The following KDM4C variants were observed in gnomAD, a reference collection of about 807,000 sequenced individuals.
The protein encoded by KDM4C is lysine demethylase 4C.
Under a neutral mutation model 129.3 loss-of-function variants are expected in KDM4C, and 81 were observed. That is an observed-to-expected ratio of 0.63 (90% confidence interval 0.52 to 0.75). The LOEUF (loss-of-function observed/expected upper bound fraction) is 0.75, where lower values mean the gene tolerates loss of function less well. KDM4C is among the 30% of genes least tolerant of loss of function. The pLI is 0.00. For missense variants in KDM4C, 1,457 were observed against 1,304.0 expected (o/e 1.12, Z -1.81); for synonymous variants, 573 against 456.1 (o/e 1.26, Z -3.26).
At chr9:6,840,655 C>T (rs1436705183) in intron 4 of KDM4C, among the ~76,000 whole-genome samples, 1 of 152,216 alleles carries the variant, frequency 6.6e-6, no homozygotes, top group South Asian at 2.1e-4. Flanking sequence ...CTTCGGCCTC[C>T]CAAAGCATTG....
chr9:7,072,176 C>T (rs1286523830), intron 17 of KDM4C, among the ~76,000 whole-genome samples: 1 of 152,128 alleles, frequency 6.6e-6, no homozygotes, highest in African/African-American at 2.4e-5. Flanking sequence ...TGACGTTTAG[C>T]AACTGGAATG....
chr9:7,000,912 G>T (rs1820607836), intron 12 of KDM4C, among the ~76,000 whole-genome samples: 1 of 152,106 alleles, frequency 6.6e-6, no homozygotes, highest in Non-Finnish European at 1.5e-5. Flanking sequence ...TTTTAATATT[G>T]TGGTGACTTT....
At chr9:6,894,811 G>A (rs1448647350) in intron 8 of KDM4C, among the ~76,000 whole-genome samples, 3 of 152,210 alleles carry the variant, frequency 2.0e-5, no homozygotes, top group Middle Eastern at 3.2e-3. Flanking sequence ...GTGTTGCACT[G>A]TGGTGGAGGA....
intron 8 of KDM4C, among the ~76,000 whole-genome samples, chr9:6,915,876 C>G (rs954866808): frequency 6.6e-6 from 1 of 152,142 alleles, no homozygotes; most frequent in African/African-American, 2.4e-5. Context: ...TATGCTGGGG[C>G]ATGAGAAGCT....
intron 17 of KDM4C, among the ~76,000 whole-genome samples, chr9:7,094,443 C>T (rs1446702377): frequency 1.3e-5 from 2 of 151,994 alleles, no homozygotes; most frequent in Admixed American, 6.6e-5. Context: ...TCTAAGTGAC[C>T]TTAAGGGCCA....
chr9:6,929,190 C>T (rs1395756176), intron 8 of KDM4C, among the ~76,000 whole-genome samples: 1 of 152,170 alleles, frequency 6.6e-6, no homozygotes, highest in Non-Finnish European at 1.5e-5. Context: ...AGGGCTTAGA[C>T]CTTTCTTTCT....
chr9:7,172,492 C>T (rs963519912), intron 21 of KDM4C, among the ~76,000 whole-genome samples: 5 of 152,224 alleles, frequency 3.3e-5, no homozygotes, highest in Non-Finnish European at 5.9e-5. Flanking sequence ...AACTTTAGCA[C>T]TTACACAAGT....
chr9:6,791,616 C>T (rs1210930412), intron 1 of KDM4C, among the ~76,000 whole-genome samples: 1 of 152,220 alleles, frequency 6.6e-6, no homozygotes, highest in East Asian at 1.9e-4. Context: ...CGATTTTTAA[C>T]ATTCTCTACT....
intron 4 of KDM4C, among the ~76,000 whole-genome samples, chr9:6,841,560 C>G (rs542235865): frequency 2.0e-5 from 3 of 152,268 alleles, no homozygotes; most frequent in Admixed American, 6.5e-5. Flanking sequence ...GCCAACTCTG[C>G]TTTTATGTAC....
At chr9:6,801,788 C>G (rs2130977281) in intron 2 of KDM4C, among the ~76,000 whole-genome samples, 1 of 152,106 alleles carries the variant, frequency 6.6e-6, no homozygotes, top group South Asian at 2.1e-4. Context: ...GATAAAGAGA[C>G]TTGAATAAGT....
intron 17 of KDM4C, among the ~76,000 whole-genome samples, chr9:7,093,936 T>G (rs1255879115): frequency 2.0e-5 from 3 of 152,168 alleles, no homozygotes; most frequent in African/African-American, 7.2e-5. Context: ...TTGGTTCTGG[T>G]TGAAGAGAGG....
intron 4 of KDM4C, among the ~76,000 whole-genome samples, chr9:6,833,355 G>T (rs1415522248): frequency 6.6e-6 from 1 of 152,060 alleles, no homozygotes; most frequent in African/African-American, 2.4e-5. Flanking sequence ...AATAGAAAAT[G>T]TAGTTACCAA....
At chr9:7,122,253 A>G (rs1587745749) in intron 18 of KDM4C, among the ~76,000 whole-genome samples, 1 of 125,426 alleles carries the variant, frequency 8.0e-6, no homozygotes, top group African/African-American at 3.1e-5. Context: ...ACACACACAC[A>G]CACACACACA....
chr9:6,762,270 C>T (rs1210602232), intron 1 of KDM4C, among the ~76,000 whole-genome samples: 2 of 151,906 alleles, frequency 1.3e-5, no homozygotes, highest in Non-Finnish European at 1.5e-5. Context: ...CACAACAGGC[C>T]CTGGTGTGTG....
At chr9:6,847,876 A>C (rs1838139365) in intron 4 of KDM4C, among the ~76,000 whole-genome samples, 1 of 152,140 alleles carries the variant, frequency 6.6e-6, no homozygotes, top group Non-Finnish European at 1.5e-5. Context: ...TTTAACCCCA[A>C]AGCTTTAGAC....
chr9:6,788,301 G>T (rs966107977), intron 1 of KDM4C, among the ~76,000 whole-genome samples: 1 of 152,132 alleles, frequency 6.6e-6, no homozygotes, highest in Non-Finnish European at 1.5e-5. Flanking sequence ...ATAACTATTT[G>T]TTGAATGACT....
At chr9:6,780,933 G>C (rs1824206406) in intron 1 of KDM4C, among the ~76,000 whole-genome samples, 1 of 151,904 alleles carries the variant, frequency 6.6e-6, no homozygotes. Flanking sequence ...TTGGCTTTTT[G>C]GTCCCTTCAT....
intron 5 of KDM4C, among the ~76,000 whole-genome samples, chr9:6,852,801 CCTTA>C (rs1392498013): frequency 6.6e-6 from 1 of 152,182 alleles, no homozygotes; most frequent in Admixed American, 6.5e-5. Flanking sequence ...ACGATTCCCT[CCTTA>C]CTTACGGGCC....
chr9:6,745,385 G>C (rs1260642347), intron 1 of KDM4C, among the ~76,000 whole-genome samples: 1 of 151,974 alleles, frequency 6.6e-6, no homozygotes, highest in Non-Finnish European at 1.5e-5. Context: ...GATCGCTTGA[G>C]CACAGTGGTT....
Sources: gnomAD v4.1 joint callset for allele counts (sites outside exome capture counted in the v4.1 genomes callset) on GRCh38, gnomAD v4.1.1 for gene constraint, MANE v1.5 for transcripts, NCBI Gene and HGNC (gene_info 2026-07-23, HGNC 2026-07-21) for gene names.